The following THSD7B variants were observed in gnomAD, a reference collection of about 807,000 sequenced individuals.
THSD7B encodes thrombospondin type-1 domain-containing protein 7B.
Under a neutral mutation model 213.6 loss-of-function variants are expected in THSD7B, and 138 were observed. That is an observed-to-expected ratio of 0.65 (90% CI 0.56 to 0.74). The LOEUF is 0.74. THSD7B is among the 30% of genes least tolerant of loss of function. THSD7B has a pLI of 0.00. For missense variants in THSD7B, 1,931 were observed against 1,991.5 expected (o/e 0.97, Z 0.58); for synonymous variants, 742 against 687.0 (o/e 1.08, Z -1.25).
At chr2:137,306,992 T>C (rs1355021273) in intron 12 of THSD7B, among the ~76,000 whole-genome samples, 5 of 152,170 alleles carry the variant, frequency 3.3e-5, no homozygotes, top group Non-Finnish European at 7.3e-5. Context: ...GTAATCTGCA[T>C]TGTCTTTGTT....
chr2:137,047,355 C>T lies in THSD7B; in HGVS notation c.140-9065C>T, dbSNP rs76171747. On this transcript the variant is annotated intron_variant, in intron 2 of 27. Coordinates refer to ENST00000409968, the MANE Select transcript of THSD7B (RefSeq NM_001316349.2). ...GTATATAGGTGTTTTAGTTGATTCT[C>T]GATAGAAAACAATATTGTGATTATG... Among the ~76,000 whole-genome samples the T allele has an allele frequency of 3.6e-3, 553 of 152,198 alleles. 8 individuals are homozygous for T. In the East Asian group the frequency reaches 0.043, roughly 12 times the overall value.
intron 5 of THSD7B, among the ~76,000 whole-genome samples, chr2:137,144,218 T>C (rs1360296355): frequency 6.6e-6 from 1 of 152,048 alleles, no homozygotes; most frequent in African/African-American, 2.4e-5. Context: ...CCTGCCCCCT[T>C]GGTAAGGTGA....
intron 2 of THSD7B, among the ~76,000 whole-genome samples, chr2:136,936,327 C>T (rs1261889170): frequency 6.6e-6 from 1 of 152,034 alleles, no homozygotes; most frequent in Non-Finnish European, 1.5e-5. Flanking sequence ...TGGGTACCCA[C>T]CCAGAAGAAA....
chr2:137,453,326 C>CTTTTTTTTTTTT (rs70978223), intron 15 of THSD7B, among the ~76,000 whole-genome samples: 4 of 96,856 alleles, frequency 4.1e-5, no homozygotes, highest in Non-Finnish European at 7.3e-5. Flanking sequence ...TTGAAATTTA[C>CTTTTTTTTTTTT]TTTTTTTTTT....
At chr2:137,631,091 T>C (rs1482590824) in intron 20 of THSD7B, among the ~76,000 whole-genome samples, 4 of 152,186 alleles carry the variant, frequency 2.6e-5, no homozygotes, top group African/African-American at 4.8e-5. Flanking sequence ...GCCTCTTTAA[T>C]GTATACCTGA....
chr2:137,313,902 G>A (rs1181506637), intron 12 of THSD7B, among the ~76,000 whole-genome samples: 1 of 152,128 alleles, frequency 6.6e-6, no homozygotes, highest in Admixed American at 6.6e-5. Context: ...GCTTCCCTTT[G>A]AGCGTAACCC....
At chr2:137,585,492 C>T (rs957479996) in intron 17 of THSD7B, among the ~76,000 whole-genome samples, 2 of 152,006 alleles carry the variant, frequency 1.3e-5, no homozygotes, top group Non-Finnish European at 2.9e-5. Flanking sequence ...ATATATTTCC[C>T]TCTACACACT....
chr2:137,624,484 T>G (rs1682584575), intron 20 of THSD7B, among the ~76,000 whole-genome samples: 1 of 152,020 alleles, frequency 6.6e-6, no homozygotes, highest in South Asian at 2.1e-4. Flanking sequence ...AAATGGGATC[T>G]AATTAAAGAG....
At chr2:137,581,834 A>T (rs993383420) in intron 17 of THSD7B, among the ~76,000 whole-genome samples, 3 of 151,468 alleles carry the variant, frequency 2.0e-5, no homozygotes, top group African/African-American at 7.3e-5. Flanking sequence ...ATGGTGGCTT[A>T]TACCTGTAAT....
chr2:137,175,928 C>T (rs1399515872), intron 7 of THSD7B, among the ~76,000 whole-genome samples: 1 of 152,020 alleles, frequency 6.6e-6, no homozygotes, highest in Non-Finnish European at 1.5e-5. Flanking sequence ...GAATATTTTG[C>T]GATTCACCAG....
intron 17 of THSD7B, among the ~76,000 whole-genome samples, chr2:137,598,696 A>ATGT (rs1682013102): frequency 6.6e-6 from 1 of 152,234 alleles, no homozygotes; most frequent in Non-Finnish European, 1.5e-5. Context: ...GTGTTAGAAC[A>ATGT]GTTGTACCAT....
At chr2:137,473,208 ATTTG>A (rs572015759) in intron 15 of THSD7B, among the ~76,000 whole-genome samples, 77 of 150,588 alleles carry the variant, frequency 5.1e-4, no homozygotes, top group African/African-American at 1.4e-3. Context: ...TAATATTATT[ATTTG>A]TTTGTTTGTT....
intron 2 of THSD7B, among the ~76,000 whole-genome samples, chr2:136,886,555 G>A (rs1225485293): frequency 1.3e-5 from 2 of 152,170 alleles, no homozygotes; most frequent in African/African-American, 4.8e-5. Context: ...AACTGGGGGT[G>A]CTACTGATGT....
intron 5 of THSD7B, among the ~76,000 whole-genome samples, chr2:137,130,274 G>A (rs1217753485): frequency 4.6e-5 from 7 of 152,084 alleles, no homozygotes; most frequent in Admixed American, 4.6e-4. Flanking sequence ...ATATGTTTTA[G>A]TAGTATATGT....
chr2:137,542,737 G>A (rs1272921745), intron 15 of THSD7B, among the ~76,000 whole-genome samples: 1 of 151,674 alleles, frequency 6.6e-6, no homozygotes, highest in Non-Finnish European at 1.5e-5. Flanking sequence ...AAACAAATTT[G>A]GAGGACTGAC....
At chr2:137,384,790 A>G (rs1685855569) in intron 12 of THSD7B, among the ~76,000 whole-genome samples, 1 of 151,908 alleles carries the variant, frequency 6.6e-6, no homozygotes, top group South Asian at 2.1e-4. Flanking sequence ...CCCATGGGGA[A>G]ACTGCTCTAG....
At chr2:137,392,462 T>G (rs1361544554) in intron 12 of THSD7B, among the ~76,000 whole-genome samples, 1 of 152,182 alleles carries the variant, frequency 6.6e-6, no homozygotes, top group African/African-American at 2.4e-5. Context: ...AGAATGGTTA[T>G]ATCCTCTTAC....
At chr2:137,362,814 G>T (rs537873295) in intron 12 of THSD7B, among the ~76,000 whole-genome samples, 2 of 152,148 alleles carry the variant, frequency 1.3e-5, no homozygotes, top group South Asian at 4.2e-4. Context: ...ACTGTCAATA[G>T]TAGACAGATC....
chr2:137,054,246 C>T (rs1687119480), intron 2 of THSD7B, among the ~76,000 whole-genome samples: 1 of 152,192 alleles, frequency 6.6e-6, no homozygotes, highest in Non-Finnish European at 1.5e-5. Context: ...TGGGCAAACT[C>T]AGGGGCATTT....
Sources: allele counts gnomAD v4.1 joint callset (sites outside exome capture counted in the v4.1 genomes callset), GRCh38; gene constraint gnomAD v4.1.1; transcripts MANE v1.5; gene names NCBI Gene and HGNC (gene_info 2026-07-23, HGNC 2026-07-21).